The following EYS variants were observed in gnomAD, a reference collection of about 807,000 sequenced individuals.
EYS encodes protein eyes shut homolog.
A neutral mutation model predicts 282.1 loss-of-function variants in EYS; 250 were observed. The ratio of observed to expected loss-of-function variants is 0.89; its 90% CI spans 0.80 to 0.98. The LOEUF is 0.98. Ranked by LOEUF, EYS falls within the 50% of genes least tolerant of loss-of-function variation. The pLI is 0.00. For synonymous variants in EYS, 1,355 were observed against 1,282.9 expected (o/e 1.06, Z -1.20); for missense variants, 4,016 against 3,709.0 (o/e 1.08, Z -2.15).
intron 9 of EYS, among the ~76,000 whole-genome samples, chr6:65,345,681 A>G (rs537092361): frequency 1.8e-4 from 28 of 151,906 alleles, no homozygotes; most frequent in Middle Eastern, 6.8e-3. Flanking sequence ...TCATAATGAT[A>G]TATCTGACTA....
Position 64,590,414 on chromosome 6 carries a change from G to C in EYS, c.5453C>G (p.Pro1818Arg). ...SSMSVIRPDW[P>R]YFTDYMTSLK... ...AGAGGTCATATAATCTGTAAAATAT[G>C]GCCAATCTGGCCTAATTACAGACAT... The change falls in exon 26 of 43, where the codon CCA becomes CGA. Residue 1818 changes from proline (P) to arginine (R), a missense_variant. Physicochemically the swap from Pro to Arg is moderately radical, Grantham distance 103 (BLOSUM62 -2). Coordinates refer to ENST00000503581, the MANE Select transcript of EYS (RefSeq NM_001142800.2). The C allele has an allele frequency of 1.3e-6, 2 of 1,551,306 alleles. No individual in the cohort carries two copies. The highest frequency in any genetic ancestry group is 1.7e-6 in the Non-Finnish European group (2 of 1,146,732).
chr6:65,535,227 C>G (rs984271402), intron 2 of EYS, among the ~76,000 whole-genome samples: 6 of 152,018 alleles, frequency 3.9e-5, no homozygotes, highest in Non-Finnish European at 8.8e-5. Context: ...AGGTCAGTGG[C>G]CTTGGGACCC....
chr6:63,757,590 A>T (rs1010832594), intron 41 of EYS, among the ~76,000 whole-genome samples: 12 of 152,064 alleles, frequency 7.9e-5, no homozygotes, highest in Non-Finnish European at 1.3e-4. Flanking sequence ...CTTAATAAAA[A>T]CTTGCTGGTT....
At chr6:65,197,144 G>T (rs1210643568) in intron 12 of EYS, among the ~76,000 whole-genome samples, 3 of 152,062 alleles carry the variant, frequency 2.0e-5, no homozygotes, top group Admixed American at 6.6e-5. Flanking sequence ...ATACAGGACG[G>T]TATTGAAGAA....
chr6:63,867,064 T>C (rs1438477599), intron 35 of EYS, among the ~76,000 whole-genome samples: 1 of 152,200 alleles, frequency 6.6e-6, no homozygotes, highest in Non-Finnish European at 1.5e-5. Context: ...TCTCTGCCAC[T>C]TGACCTACTT....
chr6:65,379,746 G>C (rs144996833), intron 8 of EYS, among the ~76,000 whole-genome samples: 7 of 152,056 alleles, frequency 4.6e-5, no homozygotes, highest in African/African-American at 1.4e-4. Context: ...AACTCCTTAA[G>C]CTGATATGCA....
intron 8 of EYS, among the ~76,000 whole-genome samples, chr6:65,381,954 AATTTTTTCCATC>A: frequency 6.6e-6 from 1 of 151,954 alleles, no homozygotes; most frequent in East Asian, 1.9e-4. Context: ...TATTTCTCTC[AATTTTTTCCATC>A]ATTTTGTTTC....
intron 31 of EYS, among the ~76,000 whole-genome samples, chr6:64,169,431 G>GTTTTTTTTTTTTTTTTTTTTTT (rs35657029): frequency 2.1e-5 from 3 of 140,960 alleles, no homozygotes; most frequent in Admixed American, 7.0e-5. Context: ...TTGAGGAGGA[G>GTTTTTTTTTTTTTTTTTTTTTT]TTTTTTTTTT....
intron 22 of EYS, among the ~76,000 whole-genome samples, chr6:64,809,421 C>T (rs1240444991): frequency 6.6e-6 from 1 of 151,630 alleles, no homozygotes; most frequent in African/African-American, 2.4e-5. Flanking sequence ...TTAAAATACA[C>T]AAATTTCAGA....
chr6:63,929,927 C>A (rs769447893), intron 35 of EYS, among the ~76,000 whole-genome samples: 3 of 152,168 alleles, frequency 2.0e-5, no homozygotes, highest in Non-Finnish European at 2.9e-5. Flanking sequence ...TTGACTTACC[C>A]TATTAGTTAT....
Position 63,720,615 on chromosome 6 carries a change from TCATCTC to T in EYS, c.9410_9415del (p.Gly3137_Asp3138del), listed in dbSNP as rs997173508. ...GTTAACTTATGTAACCTCATTTTGT[TCATCTC>T]CATCATAAACATTGTATCCTTCTAA... On this transcript the variant is annotated inframe_deletion, in exon 43 of 43. Coordinates refer to ENST00000503581, the MANE Select transcript of EYS (RefSeq NM_001142800.2). 1.3e-6 allele frequency: 2 copies of T among 1,490,934 alleles called. No individual in the cohort carries two copies. The highest frequency in any genetic ancestry group is 1.4e-5 in the African/African-American group (1 of 70,744). The allele number at this position is 1,490,934 out of a possible 1,614,324, so 92.4% of individuals were successfully genotyped here. A position where few individuals can be genotyped will look rare whatever the true frequency, so the allele number is the denominator to read the frequency against.
chr6:65,123,759 C>G (rs1775637839), intron 12 of EYS, among the ~76,000 whole-genome samples: 1 of 82,998 alleles, frequency 1.2e-5, no homozygotes, highest in South Asian at 3.4e-4. Context: ...CCCACCCACC[C>G]ACACACACAC....
At chr6:63,854,168 A>T (rs562881948) in intron 36 of EYS, among the ~76,000 whole-genome samples, 1 of 152,248 alleles carries the variant, frequency 6.6e-6, no homozygotes, top group Non-Finnish European at 1.5e-5. Flanking sequence ...TGTTCATTGC[A>T]GCACTATTCA....
At chr6:64,692,484 C>G (rs559182197) in intron 22 of EYS, among the ~76,000 whole-genome samples, 2 of 152,186 alleles carry the variant, frequency 1.3e-5, no homozygotes, top group South Asian at 2.1e-4. Context: ...TTGCGCTTAT[C>G]TAGATATTTT....
At chr6:65,009,812 G>A (rs929959015) in intron 13 of EYS, among the ~76,000 whole-genome samples, 2 of 152,100 alleles carry the variant, frequency 1.3e-5, no homozygotes, top group Non-Finnish European at 2.9e-5. Flanking sequence ...AATACTTAGG[G>A]CTAAAATCAT....
intron 26 of EYS, among the ~76,000 whole-genome samples, chr6:64,540,462 G>A (rs547949594): frequency 1.1e-4 from 16 of 150,564 alleles, no homozygotes; most frequent in Non-Finnish European, 1.8e-4. Flanking sequence ...TTGATGCTGA[G>A]GTCCAAGTAC....
intron 36 of EYS, among the ~76,000 whole-genome samples, chr6:63,830,733 T>G (rs914540463): frequency 2.0e-5 from 3 of 152,236 alleles, no homozygotes; most frequent in African/African-American, 7.2e-5. Flanking sequence ...AAGATACTCC[T>G]TGAGAAGAGC....
At position 64,902,132 on chromosome 6, in the gene EYS, A is replaced by G; in HGVS notation, c.2827T>C (p.Cys943Arg). The G allele has an allele frequency of 3.2e-6, 5 of 1,546,576 alleles. No individual in the cohort carries two copies. Among genetic ancestry groups the G allele is most frequent in the Non-Finnish European group, 4.4e-6 (5 of 1,144,926 alleles). Reference sequence around the variant, plus strand: ...TCTCACCTGTTTGTCAGATCCACACATGTTCCATTATTTTTGCAAGGTTCA... The same window carrying G: ...TCTCACCTGTTTGTCAGATCCACACGTGTTCCATTATTTTTGCAAGGTTCA... Reference protein sequence around the residue: ...SSEPCKNNGTCVDLTNRFFCN... With the variant: ...SSEPCKNNGTRVDLTNRFFCN... The change falls in exon 18 of 43, where the codon TGT becomes CGT. Residue 943 changes from cysteine (C) to arginine (R), a missense_variant. Physicochemically the swap from Cys to Arg is radical, Grantham distance 180. Coordinates refer to ENST00000503581, the MANE Select transcript of EYS (RefSeq NM_001142800.2).
At chr6:64,397,884 T>C (rs142903948) in intron 28 of EYS, among the ~76,000 whole-genome samples, 4 of 152,130 alleles carry the variant, frequency 2.6e-5, no homozygotes, top group African/African-American at 9.6e-5. Flanking sequence ...AACATAAATT[T>C]AACCATATTC....
Sources: gnomAD v4.1 joint callset for allele counts (sites outside exome capture counted in the v4.1 genomes callset) on GRCh38, gnomAD v4.1.1 for gene constraint, MANE v1.5 for transcripts, NCBI Gene and HGNC (gene_info 2026-07-23, HGNC 2026-07-21) for gene names.